Variants in PCDH11X observed in about 807,000 individuals in gnomAD.
PCDH11X encodes protocadherin-11 X-linked.
Under a neutral mutation model 53.3 loss-of-function variants are expected in PCDH11X, and 18 were observed. That is an observed-to-expected ratio of 0.34 (90% CI 0.23 to 0.50). The LOEUF (loss-of-function observed/expected upper bound fraction) is 0.50, where lower values mean the gene tolerates loss of function less well. Ranked by LOEUF, PCDH11X falls within the 20% of genes least tolerant of loss-of-function variation. PCDH11X has a pLI of 0.98. For missense variants in PCDH11X, 570 were observed against 1,032.4 expected, an observed-to-expected ratio of 0.55 and a Z score of 6.14; for synonymous variants, 279 against 393.3, an observed-to-expected ratio of 0.71 and a Z score of 3.44.
chrX:92,068,305 A>G (rs2759897), intron 6 of PCDH11X, among the ~76,000 whole-genome samples: 77 of 110,257 alleles, frequency 7.0e-4, no homozygotes, highest in African/African-American at 1.7e-3. Flanking sequence ...ACAGCTATCA[A>G]TCTCCCCCTT....
chrX:92,472,517 C>A (rs1378057711), intron 10 of PCDH11X, among the ~76,000 whole-genome samples: 3 of 107,847 alleles, frequency 2.8e-5, no homozygotes, highest in Non-Finnish European at 5.8e-5. Context: ...TACTATAATC[C>A]TGTAGTATAG....
intron 8 of PCDH11X, among the ~76,000 whole-genome samples, chrX:92,380,853 C>CT (rs4021154): frequency 1.4e-4 from 14 of 98,887 alleles, no homozygotes; most frequent in Admixed American, 1.1e-4. Flanking sequence ...GCATAATGAT[C>CT]TTTTTTTTTT....
At chrX:92,091,051 T>A (rs1286803671) in intron 6 of PCDH11X, among the ~76,000 whole-genome samples, 1 of 112,179 alleles carries the variant, frequency 8.9e-6, no homozygotes, top group Non-Finnish European at 1.9e-5. Flanking sequence ...TCTTTTGTAA[T>A]ACATAATTCA....
At chrX:91,991,815 A>C (rs2062330857) in intron 6 of PCDH11X, among the ~76,000 whole-genome samples, 1 of 106,110 alleles carries the variant, frequency 9.4e-6, no homozygotes, top group Admixed American at 1.0e-4. Flanking sequence ...CATATTTTTT[A>C]ATTTCTTTTT....
intron 6 of PCDH11X, among the ~76,000 whole-genome samples, chrX:92,078,122 T>TA (rs201869708): frequency 3.2e-4 from 35 of 107,832 alleles, no homozygotes; most frequent in East Asian, 3.2e-3. Flanking sequence ...TCACCAGTTA[T>TA]AAAAAAAAAT....
chrX:92,530,883 G>C (rs1211258436), intron 10 of PCDH11X, among the ~76,000 whole-genome samples: 1 of 90,220 alleles, frequency 1.1e-5, no homozygotes, highest in African/African-American at 4.0e-5. Flanking sequence ...AAACTATATT[G>C]GTGGCCAATA....
At chrX:91,844,650 A>G (rs1338441214) in intron 5 of PCDH11X, among the ~76,000 whole-genome samples, 22 of 105,714 alleles carry the variant, frequency 2.1e-4, no homozygotes, top group African/African-American at 7.2e-4. Context: ...GAACTTTTTT[A>G]TTTTTAATTA....
intron 1 of PCDH11X, among the ~76,000 whole-genome samples, chrX:91,802,649 T>G (rs1249998253): frequency 9.0e-6 from 1 of 111,716 alleles, no homozygotes; most frequent in Non-Finnish European, 1.9e-5. Context: ...GAATTGCATA[T>G]TAGTGGAAAG....
chrX:91,839,416 C>T (rs923134558), intron 5 of PCDH11X, among the ~76,000 whole-genome samples: 1 of 103,848 alleles, frequency 9.6e-6, no homozygotes, highest in African/African-American at 3.5e-5. Flanking sequence ...GAGTTCGAGA[C>T]CAGCCTGGCC....
chrX:92,414,984 A>G (rs948879763), intron 9 of PCDH11X, among the ~76,000 whole-genome samples: 10 of 110,633 alleles, frequency 9.0e-5, no homozygotes, highest in Non-Finnish European at 1.9e-4. Flanking sequence ...TATACTTCTT[A>G]ATTTATTTTA....
chrX:91,871,401 T>C (rs1389376183), intron 5 of PCDH11X, among the ~76,000 whole-genome samples: 1 of 104,331 alleles, frequency 9.6e-6, no homozygotes, highest in Non-Finnish European at 2.0e-5. Context: ...TTTGAGTCTT[T>C]CCACCAGCAT....
At chrX:92,373,874 A>G (rs754982107) in intron 8 of PCDH11X, among the ~76,000 whole-genome samples, 5 of 111,906 alleles carry the variant, frequency 4.5e-5, no homozygotes, top group African/African-American at 1.6e-4. Flanking sequence ...AGTGAACTGT[A>G]TTCATTTACT....
chrX:92,000,564 TCAAGTTA>T (rs936673289), intron 6 of PCDH11X, among the ~76,000 whole-genome samples: 55 of 107,083 alleles, frequency 5.1e-4, no homozygotes, highest in African/African-American at 1.8e-3. Flanking sequence ...CACTTATCCT[TCAAGTTA>T]CAAACAATCC....
At chrX:92,093,883 C>T (rs1264046357) in intron 6 of PCDH11X, among the ~76,000 whole-genome samples, 1 of 110,848 alleles carries the variant, frequency 9.0e-6, no homozygotes, top group African/African-American at 3.3e-5. Context: ...GATGAACTCT[C>T]CAATCATTTT....
chrX:92,102,189 A>G (rs1481725538), intron 6 of PCDH11X, among the ~76,000 whole-genome samples: 2 of 111,643 alleles, frequency 1.8e-5, no homozygotes, highest in African/African-American at 6.5e-5. Context: ...GTACAGCTGA[A>G]GGAGCCGGGG....
intron 10 of PCDH11X, among the ~76,000 whole-genome samples, chrX:92,541,849 T>A (rs1473056553): frequency 9.0e-6 from 1 of 110,817 alleles, no homozygotes. Context: ...CTTGGGAGGC[T>A]GAGGCAGGAG....
chrX:91,863,604 A>G (rs1329377008), intron 5 of PCDH11X, among the ~76,000 whole-genome samples: 4 of 111,507 alleles, frequency 3.6e-5, no homozygotes, highest in Non-Finnish European at 7.5e-5. Flanking sequence ...ATTGAATAAT[A>G]TTGATAAGTA....
rs184262606 is a variant in PCDH11X, at chrX:92,243,309, A to G, written c.3115-19805A>G. Among the ~76,000 whole-genome samples the G allele has an allele frequency of 2.6e-4, 29 of 111,917 alleles. No homozygotes were observed. In the East Asian group the frequency reaches 5.3e-3, roughly 21 times the overall value. ...AAGTATGAAGTTTAAATCAAGGTACATTATTTTATTTATAAATATCCAATT... is the reference window on the plus strand; with the variant it reads ...AAGTATGAAGTTTAAATCAAGGTACGTTATTTTATTTATAAATATCCAATT... On this transcript the variant is annotated intron_variant, in intron 7 of 10. Coordinates refer to ENST00000682573, the MANE Select transcript of PCDH11X (RefSeq NM_032968.5).
At chrX:92,167,666 C>G (rs1458329746) in intron 6 of PCDH11X, among the ~76,000 whole-genome samples, 1 of 111,727 alleles carries the variant, frequency 9.0e-6, no homozygotes, top group South Asian at 3.7e-4. Context: ...CTGGAAAGAT[C>G]TTGCTGTCTA....
Sources: gnomAD v4.1 joint callset for allele counts (sites outside exome capture counted in the v4.1 genomes callset) on GRCh38, gnomAD v4.1.1 for gene constraint, MANE v1.5 for transcripts, NCBI Gene and HGNC (gene_info 2026-07-23, HGNC 2026-07-21) for gene names.